Variants in PMPCA observed in about 807,000 individuals in gnomAD.
PMPCA encodes mitochondrial-processing peptidase subunit alpha.
PMPCA carries 47 observed loss-of-function variants against 59.3 expected under a neutral mutation model. The ratio of observed to expected loss-of-function variants is 0.79; its 90% CI spans 0.63 to 1.01. The LOEUF is 1.01. Among genes scored for constraint, PMPCA ranks in the 50% least tolerant of loss-of-function variants. The pLI, the probability that PMPCA is intolerant of heterozygous loss-of-function variation, is 0.00. For synonymous variants in PMPCA, 338 were observed against 290.3 expected, an observed-to-expected ratio of 1.16 and a Z score of -1.67; for missense variants, 726 against 704.5, an observed-to-expected ratio of 1.03 and a Z score of -0.34.
intron 3 of PMPCA, 72 bp downstream of exon 3, chr9:136,412,641 G>A: frequency 2.4e-6 from 2 of 845,388 alleles, no homozygotes; most frequent in East Asian, 2.5e-5. Flanking sequence ...TGTCTATAAT[G>A]GTTATTTTAA....
In PMPCA at chr9:136,418,061, C is replaced by A. The variant is rs748925451; in HGVS notation, c.942C>A (p.Ile314=). The part of the protein sequence containing the change: ...MSNVSLGPTP[I]PELTHIMVGL... ...ATGTCAGCCTGGGCCCGACCCCCAT[C>A]CCCGAGCTCACGCACATCATGGTTG... The change falls in exon 8 of 13, where the codon ATC becomes ATA. Residue 314 remains isoleucine, a synonymous_variant. Transcript: ENST00000371717. 3.1e-6 allele frequency: 5 copies of A among 1,613,954 alleles called. No homozygotes were observed. The South Asian group carries it at 5.5e-5, about 18-fold the overall frequency.
At chr9:136,412,416 CT>C in intron 2 of PMPCA, 73 bp from the exon 3 acceptor site, 1 of 841,242 alleles carries the variant, frequency 1.2e-6, no homozygotes, top group South Asian at 1.5e-5. Context: ...ATATTGACAT[CT>C]TAAAATGTTT....
chr9:136,416,417 C>G, intron 6 of PMPCA, 26 bp downstream of exon 6: 1 of 1,498,942 alleles, frequency 6.7e-7, no homozygotes, highest in Non-Finnish European at 9.3e-7. Context: ...CGAGAATGCC[C>G]CCGCATCTCG....
In PMPCA at chr9:136,423,112, G is replaced by C; in HGVS notation, c.1426G>C (p.Asp476His). The stretch of plus-strand genomic sequence containing the variant: ...TGCACTAGGCAACGTGAAGCCGGAA[G>C]ATGTGAAGAGAGTCGCTTCTAAGAT... ...CTLIRNVKPEDVKRVASKMLR... is the reference protein window; with the variant it reads ...CTLIRNVKPEHVKRVASKMLR... Residue 476 changes from aspartate to histidine, a missense_variant, in exon 13 of 13, where the codon GAT (aspartate) becomes CAT (histidine). Coordinates refer to ENST00000371717, the MANE Select transcript of PMPCA (RefSeq NM_015160.3). 2 of 1,613,114 alleles carry C rather than the reference G, an allele frequency of 1.2e-6. No individual in the cohort carries two copies. Among genetic ancestry groups the C allele is most frequent in the Non-Finnish European group, 1.7e-6 (2 of 1,179,792 alleles).
intron 9 of PMPCA, 50 bp from the exon 10 acceptor site, chr9:136,418,778 C>G (rs377677358): frequency 7.6e-5 from 116 of 1,531,144 alleles, no homozygotes; most frequent in Non-Finnish European, 9.5e-5. Flanking sequence ...TTTCCCATGG[C>G]CTGATCCTGG....
chr9:136,416,810 C>T (rs931766611), intron 6 of PMPCA, 141 bp from the exon 7 acceptor site: 4 of 674,374 alleles, frequency 5.9e-6, no homozygotes, highest in Non-Finnish European at 1.0e-5. Context: ...CACGCAGCTG[C>T]TATTGCCAGA....
chr9:136,421,502 C>T (rs986109663), intron 11 of PMPCA, among the ~76,000 whole-genome samples: 23 of 151,388 alleles, frequency 1.5e-4, no homozygotes, highest in African/African-American at 4.6e-4. Context: ...CTCCGCCTCC[C>T]GGGTTCATGC....
In PMPCA at chr9:136,417,009, C is replaced by CA; in HGVS notation, c.695dup (p.Ile233AspfsTer55). 1 of 1,613,152 alleles carries CA rather than the reference C, an allele frequency of 6.2e-7. No individual in the cohort carries two copies. Among genetic ancestry groups the CA allele is most frequent in the Non-Finnish European group, 8.5e-7 (1 of 1,179,984 alleles). On this transcript the variant is annotated frameshift_variant, in exon 7 of 13. Coordinates refer to ENST00000371717, the MANE Select transcript of PMPCA (RefSeq NM_015160.3). LOFTEE classifies it high-confidence loss of function. ...CGTTTCTGCCCCACAGAAAACGTAGCAAAGATCAACCGAGAGGTGCTGCAT... is the reference window on the plus strand; with the variant it reads ...CGTTTCTGCCCCACAGAAAACGTAGCAAAAGATCAACCGAGAGGTGCTGCAT...
chr9:136,416,698 C>T, intron 6 of PMPCA: 1 of 589,940 alleles, frequency 1.7e-6, no homozygotes, highest in South Asian at 2.1e-5. Flanking sequence ...TCGTATTTTC[C>T]AGTTTTTATA....
Position 136,423,393 on chromosome 9 carries a change from G to A in PMPCA, c.*129G>A. On this transcript the variant is annotated 3_prime_UTR_variant, in exon 13 of 13. Coordinates refer to ENST00000371717, the MANE Select transcript of PMPCA (RefSeq NM_015160.3). ...AAACGGTGCAAACAATGTCGCCACAGCACCCACGCGGTTTGCATTCTTTTG... is the reference window on the plus strand; with the variant it reads ...AAACGGTGCAAACAATGTCGCCACAACACCCACGCGGTTTGCATTCTTTTG... The A allele has an allele frequency of 1.1e-6, 1 of 929,720 alleles. No individual in the cohort carries two copies. The highest frequency in any genetic ancestry group is 1.6e-6 in the Non-Finnish European group (1 of 631,520). 57.6% of individuals were successfully genotyped at this position (929,720 alleles called of 1,614,324 possible). A position where few individuals can be genotyped will look rare whatever the true frequency, so the allele number is the denominator to read the frequency against.
intron 12 of PMPCA, 136 bp downstream of exon 12, chr9:136,422,112 T>C: frequency 6.5e-7 from 1 of 1,545,492 alleles, no homozygotes; most frequent in South Asian, 1.2e-5. Flanking sequence ...TCACCAGTTG[T>C]CCTCAGCAGG....
At chr9:136,418,477 G>A in intron 8 of PMPCA, 78 bp from the exon 9 acceptor site, 1 of 930,948 alleles carries the variant, frequency 1.1e-6, no homozygotes, top group South Asian at 1.4e-5. Flanking sequence ...AGCCAGCTCT[G>A]CCCTCCGTCC....
rs2131596125 is a variant in PMPCA, at chr9:136,421,963, G to A, written c.1395G>A (p.Leu465=). 1 of 1,612,152 alleles carries A rather than the reference G, an allele frequency of 6.2e-7. No homozygotes were observed. Among genetic ancestry groups the A allele is most frequent in the Admixed American group, 1.7e-5 (1 of 59,732 alleles). Residue 465 remains leucine (L), a synonymous_variant, in exon 12 of 13, where the codon CTG becomes CTA. Coordinates refer to ENST00000371717, the MANE Select transcript of PMPCA (RefSeq NM_015160.3). ...GCTCCAGAAAGCTGCCGCACGAGCT[G>A]TGCACGCTCATCCGTGAGTACCGCA... The part of the protein sequence containing the change: ...ATRSRKLPHE[L]CTLIRNVKPE...
rs776990571 is a variant in PMPCA, at chr9:136,416,985, G to A, written c.668G>A (p.Arg223His). Residue 223 changes from arginine to histidine, a missense_variant, in exon 7 of 13, where the codon CGT (arginine) becomes CAT (histidine). Coordinates refer to ENST00000371717, the MANE Select transcript of PMPCA (RefSeq NM_015160.3). ...AGGGAGAACACAGTTGGCCTCCACCGTTTCTGCCCCACAGAAAACGTAGCA... is the reference window on the plus strand; with the variant it reads ...AGGGAGAACACAGTTGGCCTCCACCATTTCTGCCCCACAGAAAACGTAGCA... ...AYRENTVGLH[R>H]FCPTENVAKI... The A allele has an allele frequency of 1.1e-5, 17 of 1,612,114 alleles. No individual in the cohort carries two copies. The highest frequency in any genetic ancestry group is 7.7e-5 in the South Asian group (7 of 90,984).
In PMPCA at chr9:136,416,288, C is replaced by T. The variant is rs1564421450; in HGVS notation, c.533-3C>T. The T allele has an allele frequency of 1.2e-6, 2 of 1,610,202 alleles. No individual in the cohort carries two copies. The highest frequency in any genetic ancestry group is 1.3e-5 in the African/African-American group (1 of 74,960). On this transcript the variant is annotated splice_region_variant and splice_polypyrimidine_tract_variant and intron_variant, in intron 5 of 12. Transcript: ENST00000371717. Reference sequence around the variant, plus strand: ...CAGCCCTGGCCTTTGGGTTCTCTTGCAGATGAAGAAGTCGAGATGACGCGG... The same window carrying T: ...CAGCCCTGGCCTTTGGGTTCTCTTGTAGATGAAGAAGTCGAGATGACGCGG...
Position 136,414,640 on chromosome 9 carries a change from G to C in PMPCA, c.525G>C (p.Arg175=), listed in dbSNP as rs1370156604. 3.7e-6 allele frequency: 6 copies of C among 1,608,884 alleles called. No homozygotes were observed. The highest frequency in any genetic ancestry group is 5.1e-6 in the Non-Finnish European group (6 of 1,175,366). ...ALLADVVLQP[R]LTDEEVEMTR... ...TGGCTGATGTGGTTCTGCAGCCCCG[G>C]CTAACAGGTGTGGATCCCAGCCGCT... Residue 175 remains arginine, a synonymous_variant, in exon 5 of 13, where the codon CGG becomes CGC. Transcript: ENST00000371717.
intron 5 of PMPCA, among the ~76,000 whole-genome samples, chr9:136,415,858 C>G (rs1237974345): frequency 6.6e-6 from 1 of 152,232 alleles, no homozygotes; most frequent in Non-Finnish European, 1.5e-5. Flanking sequence ...GTCTTGAACT[C>G]CTGACCTCAG....
chr9:136,418,649 G>A lies in PMPCA; in HGVS notation c.1085G>A (p.Arg362Lys), dbSNP rs1835353823. Residue 362 changes from arginine to lysine, a missense_variant, in exon 9 of 13, where the codon AGG (arginine) becomes AAG (lysine). Physicochemically the swap from Arg to Lys is conservative, Grantham distance 26 (BLOSUM62 2). Coordinates refer to ENST00000371717, the MANE Select transcript of PMPCA (RefSeq NM_015160.3). ...AGGPGKGMFS[R>K]LYLNVLNRHH... Reference sequence around the variant, plus strand: ...GGGCCCGGCAAGGGCATGTTCTCCAGGCTCTACCTCAACGTGCTCAACAGG... The same window carrying A: ...GGGCCCGGCAAGGGCATGTTCTCCAAGCTCTACCTCAACGTGCTCAACAGG... The A allele has an allele frequency of 6.2e-7, 1 of 1,612,290 alleles. No homozygotes were observed.
At chr9:136,413,184 G>A (rs1343249012) in intron 4 of PMPCA, among the ~76,000 whole-genome samples, 3 of 152,254 alleles carry the variant, frequency 2.0e-5, no homozygotes, top group Non-Finnish European at 2.9e-5. Context: ...AATGGACCCC[G>A]TAGCCAAAGG....
Sources: gnomAD v4.1 joint callset for allele counts (sites outside exome capture counted in the v4.1 genomes callset) on GRCh38, gnomAD v4.1.1 for gene constraint, MANE v1.5 for transcripts, NCBI Gene and HGNC (gene_info 2026-07-23, HGNC 2026-07-21) for gene names.